The following AGXT2 variants were observed in gnomAD, a reference collection of about 807,000 sequenced individuals.
AGXT2 encodes the protein alanine--glyoxylate aminotransferase 2, mitochondrial.
A neutral mutation model predicts 62.5 loss-of-function variants in AGXT2; 61 were observed. The ratio of observed to expected loss-of-function variants is 0.98; its 90% CI spans 0.79 to 1.21. AGXT2 has a LOEUF of 1.21. Among genes scored for constraint, AGXT2 ranks in the 50% most tolerant of loss-of-function variants. The probability of loss-of-function intolerance (pLI) is 0.00; values close to 1 mark genes in which losing one functional copy is unlikely to be tolerated. For missense variants in AGXT2, 666 were observed against 641.5 expected (o/e 1.04, Z -0.41); for synonymous variants, 243 against 218.7 (o/e 1.11, Z -0.98).
At chr5:35,037,373 T>A (rs537575808) in intron 3 of AGXT2, among the ~76,000 whole-genome samples, 12 of 152,344 alleles carry the variant, frequency 7.9e-5, no homozygotes, top group African/African-American at 2.9e-4. Flanking sequence ...TAGCTATGCT[T>A]TCTTATTAAC....
intron 12 of AGXT2, among the ~76,000 whole-genome samples, chr5:35,004,298 G>T (rs1766342502): frequency 6.6e-6 from 1 of 152,214 alleles, no homozygotes; most frequent in African/African-American, 2.4e-5. Flanking sequence ...TTGTACAAAG[G>T]CACCAGCAGC....
chr5:35,002,790 A>G (rs1473727500), intron 13 of AGXT2, among the ~76,000 whole-genome samples: 1 of 151,644 alleles, frequency 6.6e-6, no homozygotes, highest in East Asian at 1.9e-4. Flanking sequence ...GGGGGGGACT[A>G]ACACGGGAGG....
Position 35,003,814 on chromosome 5 carries a change from C to T in AGXT2, c.1386G>A (p.Glu462=). The T allele has an allele frequency of 1.2e-6, 2 of 1,614,168 alleles. No individual in the cohort carries two copies. The highest frequency in any genetic ancestry group is 1.3e-5 in the African/African-American group (1 of 75,036). ...LPREEVNQIH[E]DCKHMGLLVG... ...CGAGGAGTCCCATGTGCTTGCAGTCCTCATGGATCTGATTTACTTCTTCAC... is the reference window on the plus strand; with the variant it reads ...CGAGGAGTCCCATGTGCTTGCAGTCTTCATGGATCTGATTTACTTCTTCAC... Residue 462 remains glutamate (E), a synonymous_variant, in exon 13 of 14, where the codon GAG becomes GAA. Coordinates refer to ENST00000231420, the MANE Select transcript of AGXT2 (RefSeq NM_031900.4).
At chr5:35,015,000 G>A (rs1039577194) in intron 9 of AGXT2, among the ~76,000 whole-genome samples, 10 of 152,184 alleles carry the variant, frequency 6.6e-5, no homozygotes, top group African/African-American at 2.2e-4. Context: ...TCTAATTTAG[G>A]AATTGTGGTT....
chr5:35,023,151 G>T (rs1323941738), intron 9 of AGXT2, among the ~76,000 whole-genome samples: 1 of 140,614 alleles, frequency 7.1e-6, no homozygotes, highest in Admixed American at 7.5e-5. Flanking sequence ...ATAAAATTGT[G>T]GTGATGGCAG....
At chr5:35,030,416 G>A (rs1767519334) in intron 7 of AGXT2, among the ~76,000 whole-genome samples, 1 of 152,170 alleles carries the variant, frequency 6.6e-6, no homozygotes, top group Admixed American at 6.5e-5. Context: ...GCTGAGGCAG[G>A]AGAATCGCTT....
At chr5:35,014,452 CAAA>C (rs61052930) in intron 9 of AGXT2, among the ~76,000 whole-genome samples, 11 of 86,226 alleles carry the variant, frequency 1.3e-4, no homozygotes, top group African/African-American at 4.1e-4. Flanking sequence ...GACTCCATCT[CAAA>C]AAAAAAAAAA....
chr5:35,024,827 G>A (rs1490847021), intron 9 of AGXT2, among the ~76,000 whole-genome samples: 2 of 152,038 alleles, frequency 1.3e-5, no homozygotes, highest in East Asian at 1.9e-4. Flanking sequence ...AAAACTAGCC[G>A]GGTGTGGTGG....
chr5:35,026,821 G>GT, intron 7 of AGXT2: 4 of 983,276 alleles, frequency 4.1e-6, no homozygotes, highest in Non-Finnish European at 4.8e-6. Flanking sequence ...ATAGATAGCT[G>GT]TTTCACCTAA....
intron 5 of AGXT2, among the ~76,000 whole-genome samples, chr5:35,034,207 T>C (rs1458818226): frequency 1.3e-5 from 2 of 152,098 alleles, no homozygotes; most frequent in Non-Finnish European, 2.9e-5. Flanking sequence ...TTACTTTTAA[T>C]GGCAGAAATC....
At chr5:35,044,787 G>A (rs1459595681) in intron 1 of AGXT2, among the ~76,000 whole-genome samples, 2 of 152,166 alleles carry the variant, frequency 1.3e-5, no homozygotes, top group Non-Finnish European at 2.9e-5. Context: ...CCGCACGTTC[G>A]GGAGTAGGCA....
chr5:35,038,634 C>G (rs892313936), intron 3 of AGXT2, among the ~76,000 whole-genome samples: 3 of 152,164 alleles, frequency 2.0e-5, no homozygotes, highest in Non-Finnish European at 4.4e-5. Flanking sequence ...GGGCCCACAT[C>G]TATTCAGTTT....
In AGXT2 at chr5:35,035,308, G is replaced by A; in HGVS notation, c.495C>T (p.Phe165=). The A allele has an allele frequency of 6.2e-7, 1 of 1,613,802 alleles. No homozygotes were observed. ...TGGCTTCTGAGCCACTGTTCACCAA[G>A]AAAATGACCTGGAGAGGAAAGGAAG... ...ALLPEPLKVI[F]LVNSGSEANE... Residue 165 remains phenylalanine (F), a synonymous_variant, in exon 5 of 14, where the codon TTC becomes TTT. Transcript: ENST00000231420.
chr5:35,032,859 A>G (rs747794443), intron 6 of AGXT2, 34 bp from the exon 7 acceptor site: 12 of 1,563,280 alleles, frequency 7.7e-6, no homozygotes, highest in Non-Finnish European at 9.6e-6. Flanking sequence ...GTGGCAAAGC[A>G]TGAACACAAG....
chr5:35,013,953 C>T, intron 10 of AGXT2, 34 bp downstream of exon 10: 1 of 1,613,724 alleles, frequency 6.2e-7, no homozygotes, highest in African/African-American at 1.3e-5. Flanking sequence ...TGTACGAGGC[C>T]CAGAAGCAAA....
chr5:35,016,009 A>G (rs981428125), intron 9 of AGXT2, among the ~76,000 whole-genome samples: 1 of 152,048 alleles, frequency 6.6e-6, no homozygotes, highest in Non-Finnish European at 1.5e-5. Context: ...TCAGAGCTTA[A>G]TCTGGGAGTC....
intron 1 of AGXT2, among the ~76,000 whole-genome samples, chr5:35,043,155 T>A (rs1219488777): frequency 6.6e-6 from 1 of 152,170 alleles, no homozygotes; most frequent in East Asian, 1.9e-4. Flanking sequence ...TGACAAAAAC[T>A]GTTGGGCAAA....
At chr5:35,025,738 A>C in intron 9 of AGXT2, 25 bp downstream of exon 9, 9 of 1,612,716 alleles carry the variant, frequency 5.6e-6, no homozygotes, top group African/African-American at 1.3e-5. Context: ...CACTGCACTC[A>C]ATGGCACCCT....
rs140087075 is a variant in AGXT2 at position 35,031,551 on chromosome 5, A to G, written c.769+1181T>C. ...AAGTACTAAGGAGCGGCTATTAAAA[A>G]GGTTGTGATGACAAATCAGAGGCAG... On this transcript the variant is annotated intron_variant, in intron 7 of 13. Transcript: ENST00000231420. 6.6e-5 allele frequency among the ~76,000 whole-genome samples: 10 copies of G among 152,342 alleles called. No homozygotes were observed. The East Asian group carries it at 1.9e-3, about 29-fold the overall frequency.
Sources: gnomAD v4.1 joint callset for allele counts (sites outside exome capture counted in the v4.1 genomes callset) on GRCh38, gnomAD v4.1.1 for gene constraint, MANE v1.5 for transcripts, NCBI Gene and HGNC (gene_info 2026-07-23, HGNC 2026-07-21) for gene names.